The following NBAS variants were observed in gnomAD, a reference collection of about 807,000 sequenced individuals.
NBAS encodes the protein NBAS subunit of NRZ tethering complex.
A neutral mutation model predicts 302.5 loss-of-function variants in NBAS; 219 were observed. The ratio of observed to expected loss-of-function variants is 0.72; its 90% CI spans 0.65 to 0.81. The LOEUF is 0.81. Ranked by LOEUF, NBAS falls within the 30% of genes least tolerant of loss-of-function variation. The pLI is 0.00. For missense variants in NBAS, 2,932 were observed against 2,841.6 expected, an observed-to-expected ratio of 1.03 and a Z score of -0.72; for synonymous variants, 1,118 against 1,021.6, an observed-to-expected ratio of 1.09 and a Z score of -1.80.
In NBAS at chr2:15,186,759, G is replaced by C. The variant is rs1190007574; in HGVS notation, c.6694C>G (p.Gln2232Glu). 6.2e-7 allele frequency: 1 copy of C among 1,613,768 alleles called. No individual in the cohort carries two copies. Among genetic ancestry groups the C allele is most frequent in the East Asian group, 2.2e-5 (1 of 44,828 alleles). Residue 2232 changes from glutamine (Q) to glutamate (E), a missense_variant, in exon 50 of 52, where the codon CAG (glutamine) becomes GAG (glutamate). Physicochemically the swap from Gln to Glu is conservative, Grantham distance 29. Transcript: ENST00000281513. ...KMCRSLYNTK[Q>E]MLPAEGVKEL... The stretch of plus-strand genomic sequence containing the variant: ...CCACTCACCTCTGCAGGCAGCATCT[G>C]CTTGGTGTTATACAAAGAGCGACAC...
At chr2:15,479,029 A>G (rs1427981744) in intron 12 of NBAS, among the ~76,000 whole-genome samples, 1 of 152,200 alleles carries the variant, frequency 6.6e-6, no homozygotes, top group African/African-American at 2.4e-5. Context: ...GCTATACTTA[A>G]GTCAAAAAAC....
intron 11 of NBAS, among the ~76,000 whole-genome samples, chr2:15,502,356 A>G (rs1558394553): frequency 6.6e-6 from 1 of 152,232 alleles, no homozygotes; most frequent in African/African-American, 2.4e-5. Context: ...TAGTACAGTC[A>G]TGTATCACTT....
the NBAS span, among the ~76,000 whole-genome samples, chr2:14,872,110 T>G: frequency 6.6e-6 from 1 of 152,204 alleles, no homozygotes; most frequent in African/African-American, 2.4e-5. Context: ...CTGGAGTGAC[T>G]ATATTAACAT....
the NBAS span, among the ~76,000 whole-genome samples, chr2:15,067,272 G>C: frequency 1.3e-5 from 2 of 151,446 alleles, no homozygotes; most frequent in Admixed American, 1.3e-4. Flanking sequence ...TTAAGCCTGG[G>C]AGGTCAACGC....
At chr2:14,803,698 G>A in the NBAS span, among the ~76,000 whole-genome samples, 1 of 152,140 alleles carries the variant, frequency 6.6e-6, no homozygotes, top group Non-Finnish European at 1.5e-5. Flanking sequence ...CATCCAGGCT[G>A]GAGTGCAATG....
chr2:15,491,939 C>T (rs2148616883), intron 11 of NBAS, among the ~76,000 whole-genome samples: 1 of 152,284 alleles, frequency 6.6e-6, no homozygotes, highest in Non-Finnish European at 1.5e-5. Flanking sequence ...CCTCTACACT[C>T]ACTTCTTTCT....
At chr2:15,293,125 C>T (rs1459163430) in intron 40 of NBAS, among the ~76,000 whole-genome samples, 1 of 152,208 alleles carries the variant, frequency 6.6e-6, no homozygotes, top group African/African-American at 2.4e-5. Flanking sequence ...CACAGTAACT[C>T]ACTCTAGAAG....
rs570857917 is a variant in NBAS at position 15,179,336 on chromosome 2, T to C, written c.6712-220A>G. 10 of 591,402 alleles carry C rather than the reference T, an allele frequency of 1.7e-5. No individual in the cohort carries two copies. In the Admixed American group the frequency reaches 2.6e-4, roughly 16 times the overall value. The allele number at this position is 591,402 out of a possible 1,614,324, so 36.6% of individuals were successfully genotyped here. A position where few individuals can be genotyped will look rare whatever the true frequency, so the allele number is the denominator to read the frequency against. ...AGATTTCCAAGCTATCAGATATTCA[T>C]CGACAATATTGCTTTTTAATGGCTT... is the stretch of plus-strand genomic sequence containing the variant. On this transcript the variant is annotated intron_variant, in intron 50 of 51. Transcript: ENST00000281513.
intron 38 of NBAS, among the ~76,000 whole-genome samples, chr2:15,315,480 G>A (rs1017876539): frequency 6.6e-6 from 1 of 152,188 alleles, no homozygotes; most frequent in Non-Finnish European, 1.5e-5. Flanking sequence ...TGAAAACTGC[G>A]TCAAATGCTT....
chr2:15,453,150 T>G (rs978899447), intron 21 of NBAS, among the ~76,000 whole-genome samples: 1 of 151,936 alleles, frequency 6.6e-6, no homozygotes, highest in East Asian at 1.9e-4. Context: ...ATTGGAAAAC[T>G]TCTGGAGACC....
chr2:15,129,433 T>C, the NBAS span, among the ~76,000 whole-genome samples: 2 of 152,184 alleles, frequency 1.3e-5, no homozygotes, highest in Non-Finnish European at 2.9e-5. Context: ...CCGGAAAGAA[T>C]GGAGGCATCA....
chr2:15,445,953 A>C (rs192652018), intron 21 of NBAS, among the ~76,000 whole-genome samples: 165 of 152,112 alleles, frequency 1.1e-3, no homozygotes, highest in African/African-American at 3.8e-3. Flanking sequence ...GACAAGTCAG[A>C]AGAAAAGAAT....
At position 15,285,899 on chromosome 2, in the gene NBAS, C is replaced by G. The variant is rs1380761191; in HGVS notation, c.5138+1174G>C. 4.6e-5 allele frequency among the ~76,000 whole-genome samples: 7 copies of G among 152,264 alleles called. No homozygotes were observed. The East Asian group carries it at 7.7e-4, about 17-fold the overall frequency. ...CAAACTCCTGACCTTAAGTGATCTA[C>G]CTATCACAGCGCGGCCTCCCAAAGT... is the stretch of plus-strand genomic sequence containing the variant. On this transcript the variant is annotated intron_variant, in intron 42 of 51. Coordinates refer to ENST00000281513, the MANE Select transcript of NBAS (RefSeq NM_015909.4).
intron 16 of NBAS, 76 bp from the exon 17 acceptor site, chr2:15,468,609 T>C: frequency 6.6e-7 from 1 of 1,510,530 alleles, no homozygotes; most frequent in Non-Finnish European, 9.2e-7. Flanking sequence ...CCTTCAGAAT[T>C]GTAAAGCTAT....
rs1680154891 is a variant in NBAS, at chr2:15,475,624, C to A, written c.1341+63G>T. The A allele has an allele frequency of 2.2e-5, 32 of 1,450,548 alleles. No homozygotes were observed. In the South Asian group the frequency reaches 3.5e-4, roughly 16 times the overall value. 89.9% of individuals were successfully genotyped at this position (1,450,548 alleles called of 1,614,324 possible). A position where few individuals can be genotyped will look rare whatever the true frequency, so the allele number is the denominator to read the frequency against. On this transcript the variant is annotated intron_variant, in intron 14 of 51. Transcript: ENST00000281513. Reference sequence around the variant, plus strand: ...GATAATAAGACAACTCAAATAAAAACCAGATATTTAAATTTTTGGTTAAAT... The same window carrying A: ...GATAATAAGACAACTCAAATAAAAAACAGATATTTAAATTTTTGGTTAAAT...
At chr2:14,790,592 C>A in the NBAS span, among the ~76,000 whole-genome samples, 1 of 151,822 alleles carries the variant, frequency 6.6e-6, no homozygotes, top group African/African-American at 2.4e-5. Flanking sequence ...GATGCTGTAT[C>A]CAAGCCACTC....
Position 15,379,917 on chromosome 2 carries a change from G to GA in NBAS, c.3361-87dup, listed in dbSNP as rs1020945302. The stretch of plus-strand genomic sequence containing the variant: ...TGAAGGCTCTGAAATCCAAATGAAA[G>GA]AAATTAAAAACACATCCACCCTAGA... On this transcript the variant is annotated intron_variant, in intron 29 of 51. Coordinates refer to ENST00000281513, the MANE Select transcript of NBAS (RefSeq NM_015909.4). 6.8e-6 allele frequency: 9 copies of GA among 1,320,810 alleles called. 1 individual carries two copies. In the African/African-American group the frequency reaches 8.7e-5, roughly 13 times the overall value. 81.8% of individuals were successfully genotyped at this position (1,320,810 alleles called of 1,614,324 possible). A position where few individuals can be genotyped will look rare whatever the true frequency, so the allele number is the denominator to read the frequency against.
At chr2:15,039,604 A>G in the NBAS span, among the ~76,000 whole-genome samples, 1 of 152,186 alleles carries the variant, frequency 6.6e-6, no homozygotes, top group African/African-American at 2.4e-5. Context: ...GGGAGCTAAC[A>G]GAAGGTGAGG....
At chr2:15,362,111 C>T (rs937550725) in intron 32 of NBAS, among the ~76,000 whole-genome samples, 2 of 151,754 alleles carry the variant, frequency 1.3e-5, no homozygotes, top group African/African-American at 4.8e-5. Flanking sequence ...TAAAATATGT[C>T]CCTATCGATC....
Sources: allele counts gnomAD v4.1 joint callset (sites outside exome capture counted in the v4.1 genomes callset), GRCh38; gene constraint gnomAD v4.1.1; transcripts MANE v1.5; gene names NCBI Gene and HGNC (gene_info 2026-07-23, HGNC 2026-07-21).